TMEM163: variants seen among roughly 807,000 people sequenced by gnomAD.
TMEM163 encodes transmembrane protein 163.
Under a neutral mutation model 29.3 loss-of-function variants are expected in TMEM163, and 17 were observed. The ratio of observed to expected loss-of-function variants is 0.58; its 90% CI spans 0.40 to 0.87. TMEM163 has a LOEUF of 0.87. Among genes scored for constraint, TMEM163 ranks in the 40% least tolerant of loss-of-function variants. The pLI is 0.00. For missense variants in TMEM163, 303 were observed against 381.5 expected (o/e 0.79, Z 1.71); for synonymous variants, 157 against 160.6 (o/e 0.98, Z 0.17).
chr2:134,503,163 C>T (rs55698172), intron 4 of TMEM163, among the ~76,000 whole-genome samples, 166 bp from the exon 5 acceptor site: 2 of 152,192 alleles, frequency 1.3e-5, no homozygotes, highest in South Asian at 4.1e-4. Context: ...TAAGTCACCT[C>T]TAGGAGAATA....
intron 2 of TMEM163, among the ~76,000 whole-genome samples, chr2:134,623,518 A>C (rs1209570327): frequency 1.3e-5 from 2 of 152,218 alleles, no homozygotes; most frequent in Non-Finnish European, 2.9e-5. Context: ...CTGTAATCCC[A>C]GCACTTTGAG....
At chr2:134,692,030 C>CA (rs1684480018) in intron 2 of TMEM163, among the ~76,000 whole-genome samples, 2 of 152,126 alleles carry the variant, frequency 1.3e-5, no homozygotes, top group African/African-American at 4.8e-5. Context: ...TAAATGCCAT[C>CA]ACAAGTGTCC....
intron 5 of TMEM163, among the ~76,000 whole-genome samples, chr2:134,474,061 G>A (rs1217215459): frequency 6.6e-6 from 1 of 152,124 alleles, no homozygotes; most frequent in African/African-American, 2.4e-5. Flanking sequence ...AGCATCACAA[G>A]AAAACTACAG....
intron 1 of TMEM163, among the ~76,000 whole-genome samples, chr2:134,715,962 T>C (rs1685029362): frequency 6.6e-6 from 1 of 152,228 alleles, no homozygotes; most frequent in African/African-American, 2.4e-5. Context: ...TTTATTTATT[T>C]TGGAGAGGGG....
At chr2:134,583,099 C>T (rs536169096) in intron 2 of TMEM163, among the ~76,000 whole-genome samples, 8 of 152,314 alleles carry the variant, frequency 5.3e-5, no homozygotes, top group East Asian at 3.9e-4. Flanking sequence ...GGACAGAGAA[C>T]GGTGGAGCTT....
At chr2:134,540,178 G>A (rs1680635527) in intron 4 of TMEM163, among the ~76,000 whole-genome samples, 1 of 152,222 alleles carries the variant, frequency 6.6e-6, no homozygotes, top group Non-Finnish European at 1.5e-5. Context: ...GGCAGCAGGT[G>A]CCAGAGGACG....
At chr2:134,473,046 A>G (rs1194867748) in intron 5 of TMEM163, among the ~76,000 whole-genome samples, 1 of 152,234 alleles carries the variant, frequency 6.6e-6, no homozygotes, top group Non-Finnish European at 1.5e-5. Context: ...ATAAAGTAGA[A>G]CAACAGTATA....
At chr2:134,570,599 G>C (rs1160852802) in intron 2 of TMEM163, among the ~76,000 whole-genome samples, 1 of 152,074 alleles carries the variant, frequency 6.6e-6, no homozygotes, top group Non-Finnish European at 1.5e-5. Context: ...AGGAGGGGCT[G>C]TTCCTTTTTA....
chr2:134,540,523 A>G, intron 4 of TMEM163, among the ~76,000 whole-genome samples: 1 of 152,224 alleles, frequency 6.6e-6, no homozygotes, highest in Non-Finnish European at 1.5e-5. Flanking sequence ...AATTGCTAGG[A>G]AGATGCATTT....
chr2:134,598,597 A>G (rs908149919), intron 2 of TMEM163, among the ~76,000 whole-genome samples: 1 of 152,158 alleles, frequency 6.6e-6, no homozygotes, highest in African/African-American at 2.4e-5. Context: ...TATGACACAA[A>G]CTGATAAACA....
chr2:134,576,821 A>G (rs1255297761), intron 2 of TMEM163, among the ~76,000 whole-genome samples: 3 of 152,238 alleles, frequency 2.0e-5, no homozygotes, highest in African/African-American at 7.2e-5. Flanking sequence ...GAAGGAAAAC[A>G]CTATCTCAGG....
At chr2:134,646,018 A>G (rs1683327401) in intron 2 of TMEM163, among the ~76,000 whole-genome samples, 1 of 152,156 alleles carries the variant, frequency 6.6e-6, no homozygotes, top group Non-Finnish European at 1.5e-5. Flanking sequence ...TTCCTTGTAG[A>G]AGACATTTAT....
At chr2:134,635,670 T>C (rs1271347039) in intron 2 of TMEM163, among the ~76,000 whole-genome samples, 2 of 152,014 alleles carry the variant, frequency 1.3e-5, no homozygotes, top group East Asian at 1.9e-4. Context: ...AATAAGCCCA[T>C]GCAGAAAGAA....
chr2:134,557,866 T>A (rs1681083159), intron 2 of TMEM163, among the ~76,000 whole-genome samples: 1 of 152,290 alleles, frequency 6.6e-6, no homozygotes, highest in South Asian at 2.1e-4. Flanking sequence ...TATTTAGGAA[T>A]AAAATGTGAG....
At chr2:134,648,224 A>T (rs955562266) in intron 2 of TMEM163, among the ~76,000 whole-genome samples, 1 of 152,146 alleles carries the variant, frequency 6.6e-6, no homozygotes, top group Admixed American at 6.5e-5. Context: ...TCTCTGAAGC[A>T]ATACCATCAA....
chr2:134,717,055 G>A (rs1685053126), intron 1 of TMEM163, among the ~76,000 whole-genome samples: 1 of 152,150 alleles, frequency 6.6e-6, no homozygotes, highest in African/African-American at 2.4e-5. Context: ...ATAACCTTAA[G>A]AATGAATTCA....
At chr2:134,544,246 C>A (rs927131994) in intron 4 of TMEM163, among the ~76,000 whole-genome samples, 1 of 152,164 alleles carries the variant, frequency 6.6e-6, no homozygotes, top group Non-Finnish European at 1.5e-5. Context: ...AGGACAGACA[C>A]GAAATTCCAT....
At chr2:134,698,429 C>T (rs1302635374) in intron 2 of TMEM163, among the ~76,000 whole-genome samples, 4 of 152,166 alleles carry the variant, frequency 2.6e-5, no homozygotes, top group Non-Finnish European at 4.4e-5. Context: ...CTCCTCATTT[C>T]ACTTCTAATT....
intron 2 of TMEM163, among the ~76,000 whole-genome samples, chr2:134,627,715 T>C (rs1483800688): frequency 6.6e-6 from 1 of 152,216 alleles, no homozygotes; most frequent in African/African-American, 2.4e-5. Context: ...CTAAAATATG[T>C]ACTGCCTGGT....
Sources: allele counts gnomAD v4.1 joint callset (sites outside exome capture counted in the v4.1 genomes callset), GRCh38; gene constraint gnomAD v4.1.1; transcripts MANE v1.5; gene names NCBI Gene and HGNC (gene_info 2026-07-23, HGNC 2026-07-21).